SYT14: variants seen among roughly 807,000 people sequenced by gnomAD.
SYT14 encodes synaptotagmin-14.
A neutral mutation model predicts 74.2 loss-of-function variants in SYT14; 32 were observed. That is an observed-to-expected ratio of 0.43 (90% confidence interval 0.33 to 0.58). The LOEUF is 0.58. SYT14 is among the 20% of genes least tolerant of loss of function. The pLI is 0.05. For missense variants in SYT14, 791 were observed against 981.8 expected (o/e 0.81, Z 2.60); for synonymous variants, 298 against 337.7 (o/e 0.88, Z 1.29).
chr1:210,100,444 C>T, exon 7 of SYT14: 1 of 1,613,000 alleles, frequency 6.2e-7, no homozygotes, highest in Non-Finnish European at 8.5e-7. Context: ...GATATTGGAA[C>T]CTTCTTACAA....
At chr1:209,968,636 C>G (rs1054193490) in intron 2 of SYT14, among the ~76,000 whole-genome samples, 2 of 151,862 alleles carry the variant, frequency 1.3e-5, no homozygotes, top group African/African-American at 4.8e-5. Context: ...TGGAAACATA[C>G]AGTATGTAGG....
intron 5 of SYT14, among the ~76,000 whole-genome samples, chr1:210,069,177 C>T (rs1382249101): frequency 2.0e-5 from 3 of 151,532 alleles, no homozygotes; most frequent in East Asian, 3.9e-4. Context: ...TTGCTTTATG[C>T]GGCTGGTGTA....
chr1:209,971,638 A>G (rs569003225), intron 2 of SYT14, among the ~76,000 whole-genome samples: 1 of 152,224 alleles, frequency 6.6e-6, no homozygotes, highest in African/African-American at 2.4e-5. Flanking sequence ...GTTGATTGAG[A>G]TGATCATGCA....
rs775748040 is a variant in SYT14, at chr1:209,953,147, A to T, written c.-486+391A>T. ...GATGTGAGGAGTTGGTTGAAATTCA[A>T]ATCGGGAACATATCCAAAGACCACA... On this transcript the variant is annotated intron_variant, in intron 2 of 9. Transcript: ENST00000637265. 8.5e-6 allele frequency: 11 copies of T among 1,291,534 alleles called. No individual in the cohort carries two copies. The South Asian group carries it at 1.2e-4, about 14-fold the overall frequency. The allele number at this position is 1,291,534 out of a possible 1,614,324, so 80.0% of individuals were successfully genotyped here.
exon 10 of SYT14, chr1:210,162,484 T>C (rs1319986784): frequency 1.4e-5 from 5 of 346,476 alleles, no homozygotes; most frequent in Non-Finnish European, 2.2e-5. Flanking sequence ...TCTTACCTAA[T>C]ATATCATTTT....
intron 5 of SYT14, among the ~76,000 whole-genome samples, chr1:210,047,261 GA>G (rs1406426656): frequency 1.4e-4 from 21 of 152,036 alleles, no homozygotes; most frequent in Non-Finnish European, 2.8e-4. Context: ...ATGGCACATA[GA>G]AAGGTAGCCA....
At chr1:210,104,805 T>G (rs542073329) in intron 7 of SYT14, among the ~76,000 whole-genome samples, 5 of 152,300 alleles carry the variant, frequency 3.3e-5, no homozygotes, top group African/African-American at 1.2e-4. Flanking sequence ...TTCTGATCTC[T>G]TCAGAGTGGC....
intron 1 of SYT14, among the ~76,000 whole-genome samples, chr1:209,946,792 G>A (rs996554505): frequency 6.6e-6 from 1 of 152,198 alleles, no homozygotes; most frequent in Non-Finnish European, 1.5e-5. Flanking sequence ...TGCCATCTAA[G>A]AGTTTCATAG....
In SYT14 at chr1:210,160,853, A is replaced by G. The variant is rs768344145; in HGVS notation, c.2406A>G (p.Leu802=). 1.0e-4 allele frequency: 162 copies of G among 1,614,016 alleles called. No homozygotes were observed. Among genetic ancestry groups the G allele is most frequent in the Non-Finnish European group, 1.3e-4 (156 of 1,179,910 alleles). The change falls in exon 10 of 10, where the codon CTA becomes CTG. Residue 802 remains leucine, a synonymous_variant. Coordinates refer to ENST00000637265, the Ensembl canonical transcript of SYT14. ...AAACTTTTGTCTTTCAAGTGGCCCTATTTCAGCTTTCTGATGTGACACTCA... is the reference window on the plus strand; with the variant it reads ...AAACTTTTGTCTTTCAAGTGGCCCTGTTTCAGCTTTCTGATGTGACACTCA...
At chr1:209,975,074 CTT>C in intron 2 of SYT14, among the ~76,000 whole-genome samples, 1 of 152,308 alleles carries the variant, frequency 6.6e-6, no homozygotes, top group Admixed American at 6.5e-5. Flanking sequence ...TATCCTGAGA[CTT>C]TGCTGAAGTT....
At position 210,016,029 on chromosome 1, in the gene SYT14, AGAATCTGCCT is replaced by A; in HGVS notation, c.27_36del (p.Gln9HisfsTer6). 8.1e-7 allele frequency: 1 copy of A among 1,232,122 alleles called. No homozygotes were observed. Among genetic ancestry groups the A allele is most frequent in the Non-Finnish European group, 1.0e-6 (1 of 987,916 alleles). 76.3% of individuals were successfully genotyped at this position (1,232,122 alleles called of 1,614,324 possible). On this transcript the variant is annotated frameshift_variant, in exon 4 of 10. Transcript: ENST00000637265. LOFTEE classifies it high-confidence loss of function. ...ATGGCATTTTTCAGAAATTTCCAAC[AGAATCTGCCT>A]TCAGTGTCCTCTCTAGTAGACACAA...
At chr1:210,170,527 T>C (rs1460304691) in exon 10 of SYT14, 1 of 152,166 alleles carries the variant, frequency 6.6e-6, no homozygotes, top group Non-Finnish European at 1.5e-5. Flanking sequence ...TTAATGGCAG[T>C]TTAATTTTCC....
chr1:210,046,464 G>GT (rs1558151409), intron 5 of SYT14, among the ~76,000 whole-genome samples: 1 of 151,954 alleles, frequency 6.6e-6, no homozygotes, highest in African/African-American at 2.4e-5. Context: ...AGCTATTACC[G>GT]TAAGTTATTT....
intron 2 of SYT14, among the ~76,000 whole-genome samples, chr1:209,984,842 T>C (rs968434800): frequency 8.5e-5 from 13 of 152,284 alleles, no homozygotes; most frequent in Admixed American, 5.9e-4. Context: ...GCACTTCACA[T>C]GGCAAAAGCA....
chr1:210,004,522 A>C (rs568730775), intron 2 of SYT14, among the ~76,000 whole-genome samples: 1 of 151,978 alleles, frequency 6.6e-6, no homozygotes, highest in African/African-American at 2.4e-5. Flanking sequence ...TTCATTGCTT[A>C]TCTTTTCTCT....
At chr1:210,039,572 G>A (rs1284551150) in intron 5 of SYT14, among the ~76,000 whole-genome samples, 3 of 152,140 alleles carry the variant, frequency 2.0e-5, no homozygotes, top group Admixed American at 1.3e-4. Flanking sequence ...CACAGCAAAA[G>A]AAACTGTCAT....
At position 210,016,935 on chromosome 1, in the gene SYT14, A is replaced by G. The variant is rs969924827; in HGVS notation, c.932A>G (p.Asn311Ser). Residue 311 changes from asparagine (N) to serine (S), a missense_variant, in exon 4 of 10, where the codon AAT becomes AGT. Transcript: ENST00000637265. ...GACATACATCCAGCACCATCAACTA[A>G]TTCTAAAGATAAGTTATCTGGGAAA... 39 of 1,231,696 alleles carry G rather than the reference A, an allele frequency of 3.2e-5. No individual in the cohort carries two copies. The South Asian group carries it at 7.4e-4, about 23-fold the overall frequency. 76.3% of individuals were successfully genotyped at this position (1,231,696 alleles called of 1,614,324 possible).
intron 2 of SYT14, among the ~76,000 whole-genome samples, chr1:209,991,600 A>G (rs2079687603): frequency 6.6e-6 from 1 of 152,228 alleles, no homozygotes; most frequent in African/African-American, 2.4e-5. Context: ...TACACCAATC[A>G]GAATAGCTGT....
At chr1:210,099,887 T>C in intron 6 of SYT14, 125 bp from the exon 6 acceptor site, 1 of 940,618 alleles carries the variant, frequency 1.1e-6, no homozygotes. Flanking sequence ...TGTTAATTAT[T>C]ATTGTATTAC....
Sources: gnomAD v4.1 joint callset for allele counts (sites outside exome capture counted in the v4.1 genomes callset) on GRCh38, gnomAD v4.1.1 for gene constraint, MANE v1.5 for transcripts, NCBI Gene and HGNC (gene_info 2026-07-23, HGNC 2026-07-21) for gene names.